The following CAST variants were observed in gnomAD, a reference collection of about 807,000 sequenced individuals.
The protein encoded by CAST is calpastatin.
CAST carries 76 observed loss-of-function variants against 119.6 expected under a neutral mutation model. The observed-to-expected ratio is 0.64, with a 90% CI of 0.53 to 0.77. The LOEUF is 0.77. Among genes scored for constraint, CAST ranks in the 30% least tolerant of loss-of-function variants. The pLI is 0.00. For missense variants in CAST, 953 were observed against 946.5 expected, an observed-to-expected ratio of 1.01 and a Z score of -0.09; for synonymous variants, 319 against 331.6, an observed-to-expected ratio of 0.96 and a Z score of 0.41.
At chr5:96,039,513 C>T in the CAST span, among the ~76,000 whole-genome samples, 5 of 152,076 alleles carry the variant, frequency 3.3e-5, no homozygotes, top group Admixed American at 6.6e-5. Context: ...CTAGGTCTTA[C>T]GTTTAAGTCT....
At position 96,731,852 on chromosome 5, in the gene CAST, A is replaced by G. The variant is rs1293739022; in HGVS notation, c.630+992A>G. ...TGAACTCATCATTTTTTATGGCTGC[A>G]TAGTATTCCATGGTGTATATGTGCC... is the stretch of plus-strand genomic sequence containing the variant. On this transcript the variant is annotated intron_variant, in intron 9 of 31. Coordinates refer to ENST00000675179, the MANE Select transcript of CAST (RefSeq NM_001750.7). Among the ~76,000 whole-genome samples, 9 of 152,126 alleles carry G rather than the reference A, an allele frequency of 5.9e-5. No individual in the cohort carries two copies. The East Asian group carries it at 1.5e-3, about 26-fold the overall frequency.
At chr5:96,763,254 A>G in intron 25 of CAST, 1 of 780,726 alleles carries the variant, frequency 1.3e-6, no homozygotes, top group Non-Finnish European at 2.4e-6. Flanking sequence ...GGCACAAATG[A>G]CAAAGCCCAG....
At chr5:96,160,062 C>T in the CAST span, among the ~76,000 whole-genome samples, 34 of 151,990 alleles carry the variant, frequency 2.2e-4, no homozygotes, top group Non-Finnish European at 4.4e-4. Flanking sequence ...ATCACTTGAA[C>T]CTGGGAGGCA....
chr5:96,193,839 A>C, the CAST span, among the ~76,000 whole-genome samples: 27 of 152,246 alleles, frequency 1.8e-4, no homozygotes, highest in Non-Finnish European at 3.1e-4. Flanking sequence ...CATCCAGATG[A>C]AGGGGTTGTT....
chr5:96,742,707 G>C lies in CAST; in HGVS notation c.1151G>C (p.Arg384Pro), dbSNP rs751855137. 2.5e-6 allele frequency: 4 copies of C among 1,613,850 alleles called. No homozygotes were observed. In the East Asian group the frequency reaches 8.9e-5, roughly 36 times the overall value. The change falls in exon 16 of 32, where the codon CGG becomes CCG. Residue 384 changes from arginine (R) to proline (P), a missense_variant. Transcript: ENST00000675179. Reference sequence around the variant, plus strand: ...GCTCTGTCGGCTTCACTGGGCACCCGGCAAGCAGAACCTGAGCTCGACCTC... The same window carrying C: ...GCTCTGTCGGCTTCACTGGGCACCCCGCAAGCAGAACCTGAGCTCGACCTC... ...LEALSASLGT[R>P]QAEPELDLRS...
At chr5:96,089,066 C>CTTTTTTTTTTTTTTTTTTTTTTTTT in the CAST span, among the ~76,000 whole-genome samples, 1 of 117,718 alleles carries the variant, frequency 8.5e-6, no homozygotes, top group Non-Finnish European at 1.8e-5. Context: ...CTCCAAAAAT[C>CTTTTTTTTTTTTTTTTTTTTTTTTT]TTTTTTTTTT....
At chr5:96,688,399 T>A (rs931906695) in intron 2 of CAST, among the ~76,000 whole-genome samples, 2 of 152,204 alleles carry the variant, frequency 1.3e-5, no homozygotes, top group Non-Finnish European at 2.9e-5. Flanking sequence ...TCCAAGTATA[T>A]AATCAGAGGT....
chr5:96,174,217 C>T, the CAST span, among the ~76,000 whole-genome samples: 1 of 152,196 alleles, frequency 6.6e-6, no homozygotes, highest in Admixed American at 6.5e-5. Flanking sequence ...TTGGGCTGCC[C>T]AAACTTGCCA....
chr5:96,201,314 T>G, the CAST span, among the ~76,000 whole-genome samples: 1,236 of 152,280 alleles, frequency 8.1e-3, 22 homozygotes, highest in African/African-American at 0.029. Context: ...AGAGCCTGTT[T>G]CTAATGAGTT....
the CAST span, among the ~76,000 whole-genome samples, chr5:96,017,812 G>A: frequency 1.3e-5 from 2 of 152,046 alleles, no homozygotes; most frequent in African/African-American, 2.4e-5. Context: ...ATTTGTATAG[G>A]TGCATCAAGA....
the CAST span, among the ~76,000 whole-genome samples, chr5:96,073,316 GT>G: frequency 6.6e-6 from 1 of 152,202 alleles, no homozygotes; most frequent in Non-Finnish European, 1.5e-5. Flanking sequence ...TTAGGATACA[GT>G]AGGTGCTCTG....
At chr5:96,080,497 C>G in the CAST span, among the ~76,000 whole-genome samples, 2 of 152,180 alleles carry the variant, frequency 1.3e-5, no homozygotes, top group African/African-American at 4.8e-5. Context: ...AAGTGAAAGT[C>G]TGAATTTAGT....
chr5:96,757,735 G>C (rs1298681905), intron 24 of CAST, 81 bp downstream of exon 24: 9 of 954,054 alleles, frequency 9.4e-6, no homozygotes, highest in Non-Finnish European at 1.4e-5. Context: ...CTGTCATCCA[G>C]GCGGGAGTAC....
the CAST span, among the ~76,000 whole-genome samples, chr5:96,026,177 T>C: frequency 6.6e-6 from 1 of 152,184 alleles, no homozygotes; most frequent in Non-Finnish European, 1.5e-5. Context: ...TTGATTGTGC[T>C]ACTGTGCTCT....
At chr5:96,559,749 G>C (rs1160624335) in intron 1 of CAST, among the ~76,000 whole-genome samples, 1 of 152,228 alleles carries the variant, frequency 6.6e-6, no homozygotes, top group Non-Finnish European at 1.5e-5. Context: ...TGGGTAGGAA[G>C]AATCAGTATC....
chr5:96,429,183 T>C, the CAST span: 1 of 1,082,586 alleles, frequency 9.2e-7, no homozygotes, highest in Admixed American at 1.7e-5. Flanking sequence ...AGCTAGAGTA[T>C]TGGTTTGAAG....
Position 96,743,748 on chromosome 5 carries a change from T to C in CAST, c.1200+992T>C, listed in dbSNP as rs142502851. The C allele has an allele frequency of 2.5e-5, 39 of 1,567,938 alleles. No homozygotes were observed. In the African/African-American group the frequency reaches 5.0e-4, roughly 20 times the overall value. On this transcript the variant is annotated intron_variant, in intron 16 of 31. Coordinates refer to ENST00000675179, the MANE Select transcript of CAST (RefSeq NM_001750.7). ...GCAGTTCGTATCTTCCAGGACCAAGTAATGTATTGGGAAGAAGGGAAACTT... is the reference window on the plus strand; with the variant it reads ...GCAGTTCGTATCTTCCAGGACCAAGCAATGTATTGGGAAGAAGGGAAACTT...
At chr5:96,196,545 A>G in the CAST span, among the ~76,000 whole-genome samples, 1 of 152,196 alleles carries the variant, frequency 6.6e-6, no homozygotes, top group Non-Finnish European at 1.5e-5. Flanking sequence ...TAGATGGGGT[A>G]GTTTGAAAAA....
chr5:96,241,084 T>C, the CAST span, among the ~76,000 whole-genome samples: 113 of 152,208 alleles, frequency 7.4e-4, no homozygotes, highest in Non-Finnish European at 1.3e-3. Context: ...TATTATACTT[T>C]AAGTTTTAGG....
Sources: allele counts gnomAD v4.1 joint callset (sites outside exome capture counted in the v4.1 genomes callset), GRCh38; gene constraint gnomAD v4.1.1; transcripts MANE v1.5; gene names NCBI Gene and HGNC (gene_info 2026-07-23, HGNC 2026-07-21).